The following VNN1 variants were observed in gnomAD, a reference collection of about 807,000 sequenced individuals.
VNN1 encodes pantetheinase.
In VNN1, 29 loss-of-function variants were observed where a neutral mutation model predicts 41.9. The ratio of observed to expected loss-of-function variants is 0.69; its 90% confidence interval spans 0.52 to 0.94. The LOEUF (loss-of-function observed/expected upper bound fraction) is 0.94. VNN1 is among the 40% of genes least tolerant of loss of function. The pLI is 0.00. For missense variants in VNN1, 637 were observed against 621.1 expected (o/e 1.03, Z -0.27); for synonymous variants, 233 against 224.4 (o/e 1.04, Z -0.34).
At chr6:132,694,865 T>C (rs1455391996) in intron 2 of VNN1, among the ~76,000 whole-genome samples, 2 of 150,828 alleles carry the variant, frequency 1.3e-5, no homozygotes, top group Non-Finnish European at 3.0e-5. Flanking sequence ...AAAACAAATT[T>C]TGGGGGGCCA....
At position 132,714,019 on chromosome 6, in the gene VNN1, G is replaced by A; in HGVS notation, c.17C>T (p.Pro6Leu). Residue 6 changes from proline (P) to leucine (L), a missense_variant, in exon 1 of 7, where the codon CCA (proline) becomes CTA (leucine). Pro to Leu is a moderately conservative substitution (Grantham distance 98). Coordinates refer to ENST00000367928, the MANE Select transcript of VNN1 (RefSeq NM_004666.3). The part of the protein sequence containing the change: MTTQL[P>L]AYVAILLFYV... ...GAAAAGCAAAATTGCCACGTAAGCT[G>A]GCAACTGAGTAGTCATGCTGAAGTC... 1.2e-6 allele frequency: 2 copies of A among 1,613,202 alleles called. No homozygotes were observed. Among genetic ancestry groups the A allele is most frequent in the Non-Finnish European group, 1.7e-6 (2 of 1,179,556 alleles).
At chr6:132,689,946 T>C (rs1258474713) in intron 5 of VNN1, among the ~76,000 whole-genome samples, 1 of 152,278 alleles carries the variant, frequency 6.6e-6, no homozygotes, top group East Asian at 1.9e-4. Context: ...CAGATGCATC[T>C]CACCCACCCA....
chr6:132,683,902 T>A (rs1778168078), intron 6 of VNN1, among the ~76,000 whole-genome samples: 1 of 152,138 alleles, frequency 6.6e-6, no homozygotes, highest in African/African-American at 2.4e-5. Context: ...TCCGCCACTG[T>A]CAAATTCTCT....
chr6:132,692,437 G>C lies in VNN1; in HGVS notation c.974C>G (p.Ala325Gly), dbSNP rs34535050. The change falls in exon 5 of 7, where the codon GCG becomes GGG. Residue 325 changes from alanine to glycine, a missense_variant. Coordinates refer to ENST00000367928, the MANE Select transcript of VNN1 (RefSeq NM_004666.3). The stretch of plus-strand genomic sequence containing the variant: ...AAATTCCTTGTTTCCTGATGAGAGC[G>C]CTTCTATACTGCTGGCATAGGAAGT... ...NWTSYASSIE[A>G]LSSGNKEFKG... is the part of the protein sequence containing the mutation. 2.5e-6 allele frequency: 4 copies of C among 1,613,946 alleles called. No individual in the cohort carries two copies. The highest frequency in any genetic ancestry group is 3.4e-6 in the Non-Finnish European group (4 of 1,180,018).
intron 4 of VNN1, 61 bp downstream of exon 4, chr6:132,692,963 T>G (rs1031863737): frequency 3.0e-5 from 40 of 1,323,792 alleles, no homozygotes; most frequent in East Asian, 7.3e-5. Flanking sequence ...GAAAAACATG[T>G]TTTTTTTTTC....
chr6:132,694,071 C>G lies in VNN1; in HGVS notation c.453G>C (p.Gln151His). 1 of 1,614,194 alleles carries G rather than the reference C, an allele frequency of 6.2e-7. No homozygotes were observed. The highest frequency in any genetic ancestry group is 8.5e-7 in the Non-Finnish European group (1 of 1,180,016). Reference protein sequence around the residue: ...DKKPCDTSDPQCPPDGRYQYN... With the variant: ...DKKPCDTSDPHCPPDGRYQYN... Reference sequence around the variant, plus strand: ...ATTGGTAACGGCCATCAGGGGGACACTGAGGATCACTGGTATCGCATGGCT... The same window carrying G: ...ATTGGTAACGGCCATCAGGGGGACAGTGAGGATCACTGGTATCGCATGGCT... Residue 151 changes from glutamine to histidine, a missense_variant, in exon 3 of 7, where the codon CAG (glutamine) becomes CAC (histidine). Physicochemically the swap from Gln to His is conservative, Grantham distance 24 (BLOSUM62 0). Coordinates refer to ENST00000367928, the MANE Select transcript of VNN1 (RefSeq NM_004666.3).
chr6:132,688,297 G>A (rs970951988), intron 5 of VNN1, among the ~76,000 whole-genome samples: 3 of 152,102 alleles, frequency 2.0e-5, no homozygotes, highest in Non-Finnish European at 4.4e-5. Flanking sequence ...ATATTAATAT[G>A]TTTGATTCTG....
rs571519659 is a variant in VNN1, at chr6:132,687,741, A to G, written c.1189-3236T>C. ...GAGAAAGGTTATTATTTTTAGCTCA[A>G]GATAAACTTATGAAAATGATATTGT... is the stretch of plus-strand genomic sequence containing the variant. On this transcript the variant is annotated intron_variant, in intron 5 of 6. Coordinates refer to ENST00000367928, the MANE Select transcript of VNN1 (RefSeq NM_004666.3). 7.9e-5 allele frequency among the ~76,000 whole-genome samples: 12 copies of G among 152,340 alleles called. No individual in the cohort carries two copies. In the East Asian group the frequency reaches 2.1e-3, roughly 27 times the overall value.
At chr6:132,683,896 C>A (rs1318869387) in intron 6 of VNN1, among the ~76,000 whole-genome samples, 1 of 152,142 alleles carries the variant, frequency 6.6e-6, no homozygotes, top group Non-Finnish European at 1.5e-5. Context: ...CTAACATCCG[C>A]CACTGTCAAA....
chr6:132,709,009 C>T (rs899768217), intron 2 of VNN1, among the ~76,000 whole-genome samples: 18 of 152,130 alleles, frequency 1.2e-4, no homozygotes, highest in African/African-American at 4.3e-4. Flanking sequence ...GATCTATTGC[C>T]TCATTTCTTT....
At chr6:132,696,782 GGGAGGGGAGGGGAGA>G (rs1778378787) in intron 2 of VNN1, among the ~76,000 whole-genome samples, 1 of 151,496 alleles carries the variant, frequency 6.6e-6, no homozygotes, top group South Asian at 2.1e-4. Flanking sequence ...AAAGAGAGAA[GGGAGGGGAGGGGAGA>G]GGAGGGGAGG....
rs148933345 is a variant in VNN1 at position 132,702,119 on chromosome 6, T to C, written c.342-7937A>G. ...CCCTATGCCATGGACTGTGGCCTGT[T>C]AGGAATTGGGCTGCACGGCAGTACC... On this transcript the variant is annotated intron_variant, in intron 2 of 6. Transcript: ENST00000367928. Among the ~76,000 whole-genome samples the C allele has an allele frequency of 6.7e-4, 102 of 152,332 alleles. No individual in the cohort carries two copies. In the East Asian group the frequency reaches 0.019, roughly 29 times the overall value.
intron 1 of VNN1, 115 bp downstream of exon 1, chr6:132,713,711 A>ACT: frequency 8.9e-7 from 1 of 1,129,792 alleles, no homozygotes. Context: ...GTTCTTGGCT[A>ACT]CTCTGATACA....
At position 132,681,366 on chromosome 6, in the gene VNN1, C is replaced by T. The variant is rs2745425; in HGVS notation, c.*1774G>A. ...GAAGCAGATTTTCTCCAGCCCCACCCGAGCCTTGAGATGATGGCAGCCCTG... is the reference window on the plus strand; with the variant it reads ...GAAGCAGATTTTCTCCAGCCCCACCTGAGCCTTGAGATGATGGCAGCCCTG... On this transcript the variant is annotated 3_prime_UTR_variant, in exon 7 of 7. Transcript: ENST00000367928. Among the ~76,000 whole-genome samples the T allele has an allele frequency of 0.082, 12,450 of 152,222 alleles. 720 individuals carry two copies. The highest frequency in any genetic ancestry group is 0.12 in the Non-Finnish European group (8,415 of 68,002).
chr6:132,711,715 C>G lies in VNN1; in HGVS notation c.335G>C (p.Arg112Pro). 1.2e-6 allele frequency: 2 copies of G among 1,609,572 alleles called. No individual in the cohort carries two copies. The highest frequency in any genetic ancestry group is 1.1e-5 in the South Asian group (1 of 89,728). ...TCACAAGTTGTTTCTTTACCTGTTA[C>G]GATTATTACAGGGGATCCAGTTTAC... The part of the protein sequence containing the change: ...PEVNWIPCNN[R>P]NRFGQTPVQE... The change falls in exon 2 of 7, where the codon CGT becomes CCT. Residue 112 changes from arginine (R) to proline (P), a missense_variant. Arg to Pro is a moderately radical substitution (Grantham distance 103, BLOSUM62 -2). Coordinates refer to ENST00000367928, the MANE Select transcript of VNN1 (RefSeq NM_004666.3).
Position 132,711,708 on chromosome 6 carries a change from C to A in VNN1, c.341+1G>T. ...GAATTTTTCACAAGTTGTTTCTTTA[C>A]CTGTTACGATTATTACAGGGGATCC... On this transcript the variant is annotated splice_donor_variant, in intron 2 of 6. Coordinates refer to ENST00000367928, the MANE Select transcript of VNN1 (RefSeq NM_004666.3). LOFTEE classifies it high-confidence loss of function. 6.2e-7 allele frequency: 1 copy of A among 1,607,604 alleles called. No homozygotes were observed.
chr6:132,694,699 G>GAAA (rs537526092), intron 2 of VNN1, among the ~76,000 whole-genome samples: 13 of 131,152 alleles, frequency 9.9e-5, no homozygotes, highest in South Asian at 7.3e-4. Context: ...TACAAAAAAT[G>GAAA]AAAAAAAAAA....
intron 2 of VNN1, chr6:132,698,989 C>T (rs1249864924): frequency 5.3e-6 from 1 of 188,712 alleles, no homozygotes; most frequent in Non-Finnish European, 1.2e-5. Flanking sequence ...GGCTTTAACA[C>T]AAAGGCATTT....
chr6:132,698,425 G>A (rs1778402781), intron 2 of VNN1, among the ~76,000 whole-genome samples: 1 of 152,160 alleles, frequency 6.6e-6, no homozygotes, highest in Non-Finnish European at 1.5e-5. Context: ...AATATTCCAG[G>A]CAGAGCTGTC....
Sources: gnomAD v4.1 joint callset for allele counts (sites outside exome capture counted in the v4.1 genomes callset) on GRCh38, gnomAD v4.1.1 for gene constraint, MANE v1.5 for transcripts, NCBI Gene and HGNC (gene_info 2026-07-23, HGNC 2026-07-21) for gene names.